GRID1: variants seen among roughly 807,000 people sequenced by gnomAD.
GRID1 encodes the protein glutamate receptor ionotropic, delta-1.
Under a neutral mutation model 98.0 loss-of-function variants are expected in GRID1, and 28 were observed. The ratio of observed to expected loss-of-function variants is 0.29; its 90% CI spans 0.21 to 0.39. The LOEUF is 0.39. Among genes scored for constraint, GRID1 ranks in the 10% least tolerant of loss-of-function variants. The probability of loss-of-function intolerance (pLI) is 1.00; values close to 1 mark genes in which losing one functional copy is unlikely to be tolerated. For missense variants in GRID1, 1,111 were observed against 1,340.5 expected, an observed-to-expected ratio of 0.83 and a Z score of 2.67; for synonymous variants, 553 against 538.5, an observed-to-expected ratio of 1.03 and a Z score of -0.37.
At chr10:86,145,547 T>TACACACACTCACACATACAC (rs1845076533) in intron 3 of GRID1, among the ~76,000 whole-genome samples, 1 of 145,632 alleles carries the variant, frequency 6.9e-6, no homozygotes, top group Non-Finnish European at 1.5e-5. Flanking sequence ...ATCCTCCACA[T>TACACACACTCACACATACAC]ACACACACAC....
intron 6 of GRID1, among the ~76,000 whole-genome samples, chr10:85,857,538 A>G (rs969332304): frequency 1.6e-4 from 25 of 152,012 alleles, no homozygotes; most frequent in African/African-American, 5.8e-4. Flanking sequence ...TTGGAGCACA[A>G]AGGAGAAGAG....
intron 8 of GRID1, among the ~76,000 whole-genome samples, chr10:85,745,586 A>G (rs2949389): frequency 0.99 from 112,828 of 113,818 alleles, 56,057 homozygotes; most frequent in East Asian, 1. Flanking sequence ...GTCGAAGGAG[A>G]GGGGAGGGAT....
intron 8 of GRID1, among the ~76,000 whole-genome samples, chr10:85,769,794 G>A (rs1842238291): frequency 1.3e-5 from 2 of 152,238 alleles, no homozygotes. Flanking sequence ...CATTGCCCAG[G>A]CTTGCTTAGG....
chr10:85,613,591 G>T lies in GRID1; in HGVS notation c.2417C>A (p.Pro806Gln). 1.9e-6 allele frequency: 3 copies of T among 1,614,138 alleles called. No homozygotes were observed. Among genetic ancestry groups the T allele is most frequent in the Non-Finnish European group, 2.5e-6 (3 of 1,180,014 alleles). ...DLDVLKQKWWPHMGRCDLTSH... is the reference protein window; with the variant it reads ...DLDVLKQKWWQHMGRCDLTSH... ...GGTGAGGTCACAGCGGCCCATGTGC[G>T]GCCACCACTTCTGCTTCAGCACATC... The change falls in exon 15 of 16, where the codon CCG becomes CAG. Residue 806 changes from proline (P) to glutamine (Q), a missense_variant. Physicochemically the swap from Pro to Gln is moderately conservative, Grantham distance 76. Transcript: ENST00000327946.
intron 4 of GRID1, among the ~76,000 whole-genome samples, chr10:86,100,540 A>G (rs1398080820): frequency 2.0e-5 from 3 of 152,240 alleles, no homozygotes; most frequent in African/African-American, 7.2e-5. Flanking sequence ...TTAGGAAAGC[A>G]ATAAAGCAGA....
At chr10:85,690,397 C>A (rs1223393532) in intron 12 of GRID1, among the ~76,000 whole-genome samples, 1 of 152,112 alleles carries the variant, frequency 6.6e-6, no homozygotes, top group African/African-American at 2.4e-5. Context: ...CAATAATCTG[C>A]CAAGTTAACC....
chr10:86,335,057 T>C (rs1383578887), intron 2 of GRID1, among the ~76,000 whole-genome samples: 1 of 152,240 alleles, frequency 6.6e-6, no homozygotes, highest in Admixed American at 6.5e-5. Flanking sequence ...TGAAGTCCCA[T>C]TTTGGCAGAG....
intron 8 of GRID1, among the ~76,000 whole-genome samples, chr10:85,774,460 C>A (rs902217144): frequency 3.3e-5 from 5 of 151,890 alleles, no homozygotes; most frequent in Non-Finnish European, 7.4e-5. Context: ...GCAACAAAAG[C>A]CAAAATTGAC....
chr10:85,822,545 C>T (rs1157730933), intron 8 of GRID1, among the ~76,000 whole-genome samples: 1 of 152,172 alleles, frequency 6.6e-6, no homozygotes, highest in Non-Finnish European at 1.5e-5. Flanking sequence ...ACAACAAGTG[C>T]TGGAGAGGAT....
At position 86,259,493 on chromosome 10, in the gene GRID1, C is replaced by T. The variant is rs1329923328; in HGVS notation, c.236-52845G>A. Among the ~76,000 whole-genome samples the T allele has an allele frequency of 2.7e-5, 3 of 111,736 alleles. No homozygotes were observed. In the Admixed American group the frequency reaches 3.2e-4, roughly 12 times the overall value. The allele number at this position is 111,736 out of a possible 152,430, so 73.3% of individuals were successfully genotyped here. A position where few individuals can be genotyped will look rare whatever the true frequency, so the allele number is the denominator to read the frequency against. ...TTATGTAAATACATCTATATCATTA[C>T]ATACGAGGTTGTATATTAATTTAAA... On this transcript the variant is annotated intron_variant, in intron 2 of 15. Transcript: ENST00000327946.
chr10:86,063,990 C>T (rs991954692), intron 4 of GRID1, among the ~76,000 whole-genome samples: 3 of 152,008 alleles, frequency 2.0e-5, no homozygotes, highest in African/African-American at 4.8e-5. Flanking sequence ...TGTCAACCCC[C>T]GATCTAGAAG....
intron 4 of GRID1, among the ~76,000 whole-genome samples, chr10:86,110,022 G>C (rs1306482228): frequency 2.0e-5 from 3 of 150,756 alleles, no homozygotes; most frequent in African/African-American, 7.3e-5. Context: ...ACCCAGGCCG[G>C]AGTGCAGTGG....
At chr10:86,165,999 G>C (rs1015742583) in intron 3 of GRID1, among the ~76,000 whole-genome samples, 2 of 152,178 alleles carry the variant, frequency 1.3e-5, no homozygotes, top group Middle Eastern at 3.2e-3. Context: ...AAAGACACGG[G>C]AACATTTCAC....
At chr10:86,338,061 T>A (rs983857418) in intron 2 of GRID1, among the ~76,000 whole-genome samples, 4 of 152,192 alleles carry the variant, frequency 2.6e-5, no homozygotes, top group African/African-American at 9.6e-5. Context: ...ACACGTGGCT[T>A]GGGCTGGCCA....
intron 2 of GRID1, among the ~76,000 whole-genome samples, chr10:86,278,364 A>G (rs1847304270): frequency 6.6e-6 from 1 of 152,190 alleles, no homozygotes; most frequent in South Asian, 2.1e-4. Flanking sequence ...TTCTACTTTA[A>G]GAATTTGTCT....
At position 85,954,605 on chromosome 10, in the gene GRID1, T is replaced by G. The variant is rs190687138; in HGVS notation, c.727-38366A>C. ...TATATGTAAGGAAGCTGCCACTAAA[T>G]TTGACAACATTACTGTATCATATGG... On this transcript the variant is annotated intron_variant, in intron 4 of 15. Transcript: ENST00000327946. Among the ~76,000 whole-genome samples, 315 of 152,364 alleles carry G rather than the reference T, an allele frequency of 2.1e-3. 4 individuals are homozygous for G. The South Asian group carries it at 0.023, about 11-fold the overall frequency.
intron 4 of GRID1, among the ~76,000 whole-genome samples, chr10:86,072,495 A>C (rs553318130): frequency 2.6e-5 from 4 of 151,842 alleles, no homozygotes; most frequent in African/African-American, 7.3e-5. Flanking sequence ...TTTTTATTTT[A>C]TTGGGTAAAG....
At chr10:86,165,604 G>A (rs1161412609) in intron 3 of GRID1, among the ~76,000 whole-genome samples, 1 of 152,218 alleles carries the variant, frequency 6.6e-6, no homozygotes, top group Non-Finnish European at 1.5e-5. Context: ...ATATTGGGTG[G>A]TAAGTCGTTT....
At chr10:86,211,139 C>G (rs1846101844) in intron 2 of GRID1, among the ~76,000 whole-genome samples, 1 of 152,232 alleles carries the variant, frequency 6.6e-6, no homozygotes, top group South Asian at 2.1e-4. Flanking sequence ...CATGAAAGGT[C>G]TTTATATGTG....
Sources: gnomAD v4.1 joint callset for allele counts (sites outside exome capture counted in the v4.1 genomes callset) on GRCh38, gnomAD v4.1.1 for gene constraint, MANE v1.5 for transcripts, NCBI Gene and HGNC (gene_info 2026-07-23, HGNC 2026-07-21) for gene names.